CERS6: variants seen among roughly 807,000 people sequenced by gnomAD.
The protein encoded by CERS6 is LAG1 homolog, ceramide synthase 6.
CERS6 carries 26 observed loss-of-function variants against 56.8 expected under a neutral mutation model. The observed-to-expected ratio is 0.46, with a 90% CI of 0.34 to 0.63. CERS6 has a LOEUF of 0.63. Among genes scored for constraint, CERS6 ranks in the 30% least tolerant of loss-of-function variants. The probability of loss-of-function intolerance (pLI) is 0.01; values close to 1 mark genes in which losing one functional copy is unlikely to be tolerated. For synonymous variants in CERS6, 164 were observed against 173.3 expected (o/e 0.95, Z 0.42); for missense variants, 415 against 467.5 (o/e 0.89, Z 1.04).
chr2:168,735,720 T>TAA (rs201038302), intron 8 of CERS6, among the ~76,000 whole-genome samples: 3 of 146,394 alleles, frequency 2.0e-5, no homozygotes, highest in Non-Finnish European at 4.5e-5. Flanking sequence ...TACTAAAAAT[T>TAA]TAAAAAAAAA....
chr2:168,740,329 T>C (rs1574208767), intron 8 of CERS6, among the ~76,000 whole-genome samples: 1 of 152,356 alleles, frequency 6.6e-6, no homozygotes, highest in Middle Eastern at 3.4e-3. Flanking sequence ...TCTTCAGAGT[T>C]AGAAAATATT....
chr2:168,519,208 A>G (rs919434389), intron 1 of CERS6, among the ~76,000 whole-genome samples: 2 of 152,086 alleles, frequency 1.3e-5, no homozygotes, highest in African/African-American at 4.8e-5. Flanking sequence ...CCTTGGTAGC[A>G]TTTTTCAAAT....
intron 4 of CERS6, among the ~76,000 whole-genome samples, chr2:168,676,498 G>A (rs1161269861): frequency 6.6e-6 from 1 of 152,102 alleles, no homozygotes; most frequent in African/African-American, 2.4e-5. Flanking sequence ...GGTTCATAGT[G>A]GACTATACAT....
chr2:168,554,151 C>T (rs1167337221), intron 2 of CERS6, among the ~76,000 whole-genome samples: 1 of 151,488 alleles, frequency 6.6e-6, no homozygotes, highest in African/African-American at 2.4e-5. Context: ...ACAAAAATTA[C>T]TCCCAAAAGG....
intron 1 of CERS6, among the ~76,000 whole-genome samples, chr2:168,470,243 C>T (rs1185222250): frequency 2.1e-5 from 3 of 146,170 alleles, no homozygotes; most frequent in East Asian, 2.0e-4. Context: ...ATTAGCTGGG[C>T]GTGGTGGTAT....
intron 1 of CERS6, among the ~76,000 whole-genome samples, chr2:168,478,730 A>G (rs1694123791): frequency 6.6e-6 from 1 of 152,142 alleles, no homozygotes; most frequent in South Asian, 2.1e-4. Context: ...AGCTATCTCC[A>G]CTTGGCTTAA....
At chr2:168,549,015 A>G (rs1695517164) in intron 2 of CERS6, among the ~76,000 whole-genome samples, 1 of 152,172 alleles carries the variant, frequency 6.6e-6, no homozygotes, top group African/African-American at 2.4e-5. Context: ...AGTGTATCAA[A>G]TTACTTAAGT....
At chr2:168,667,571 GCTTTTTTTCTAT>G (rs1205464074) in intron 4 of CERS6, among the ~76,000 whole-genome samples, 2 of 152,008 alleles carry the variant, frequency 1.3e-5, no homozygotes, top group Non-Finnish European at 2.9e-5. Flanking sequence ...CTATTAGGCG[GCTTTTTTTCTAT>G]CTTTTTTTTT....
At chr2:168,652,138 T>C (rs1236024298) in intron 4 of CERS6, among the ~76,000 whole-genome samples, 4 of 151,578 alleles carry the variant, frequency 2.6e-5, no homozygotes. Flanking sequence ...CATTTGCTGA[T>C]GGGCTGTTAC....
chr2:168,465,195 TACA>T (rs985396838), intron 1 of CERS6, among the ~76,000 whole-genome samples: 65 of 152,342 alleles, frequency 4.3e-4, no homozygotes, highest in African/African-American at 1.6e-3. Context: ...TTTGGGCTGG[TACA>T]ACAAAATACT....
At chr2:168,711,088 C>G (rs1260467040) in intron 6 of CERS6, among the ~76,000 whole-genome samples, 1 of 152,140 alleles carries the variant, frequency 6.6e-6, no homozygotes, top group Non-Finnish European at 1.5e-5. Context: ...ATTTAGGAAA[C>G]TAATATACTG....
At chr2:168,566,981 AG>A (rs1167771533) in intron 3 of CERS6, among the ~76,000 whole-genome samples, 1 of 152,192 alleles carries the variant, frequency 6.6e-6, no homozygotes, top group East Asian at 1.9e-4. Flanking sequence ...CAGTTTTTGA[AG>A]GGGGGAATAA....
At chr2:168,748,457 T>G (rs981986788) in intron 8 of CERS6, among the ~76,000 whole-genome samples, 11 of 152,132 alleles carry the variant, frequency 7.2e-5, no homozygotes, top group African/African-American at 2.7e-4. Flanking sequence ...GAAAAATAAT[T>G]TTTACTAAAT....
intron 3 of CERS6, among the ~76,000 whole-genome samples, chr2:168,570,026 C>G (rs956653171): frequency 2.0e-5 from 3 of 152,154 alleles, no homozygotes; most frequent in African/African-American, 7.2e-5. Context: ...TAGTCTGTCA[C>G]AGCCATGCCC....
chr2:168,599,165 G>A (rs1683873816), intron 3 of CERS6, among the ~76,000 whole-genome samples: 1 of 152,124 alleles, frequency 6.6e-6, no homozygotes, highest in South Asian at 2.1e-4. Context: ...ATTGACTCAG[G>A]TTACCTTGCA....
intron 1 of CERS6, among the ~76,000 whole-genome samples, chr2:168,503,532 A>G (rs1574028253): frequency 6.6e-6 from 1 of 152,166 alleles, no homozygotes; most frequent in South Asian, 2.1e-4. Flanking sequence ...GAATTCCATT[A>G]TTAATGTTTT....
rs530695210 is a variant in CERS6, at chr2:168,507,042, G to A, written c.171-40554G>A. On this transcript the variant is annotated intron_variant, in intron 1 of 9. Transcript: ENST00000305747. ...TATTTGTCCCATGTGTGCACTGTGT[G>A]TGTGTGTGTATGCATGTGTGTGTGT... 1.4e-4 allele frequency among the ~76,000 whole-genome samples: 21 copies of A among 152,252 alleles called. No homozygotes were observed. In the South Asian group the frequency reaches 4.4e-3, roughly 32 times the overall value.
At chr2:168,491,592 A>G (rs1169082992) in intron 1 of CERS6, among the ~76,000 whole-genome samples, 1 of 152,160 alleles carries the variant, frequency 6.6e-6, no homozygotes, top group African/African-American at 2.4e-5. Flanking sequence ...AGGGTTAACT[A>G]TGGAACTATG....
At chr2:168,545,916 G>A (rs1369516751) in intron 1 of CERS6, among the ~76,000 whole-genome samples, 1 of 152,166 alleles carries the variant, frequency 6.6e-6, no homozygotes, top group Non-Finnish European at 1.5e-5. Context: ...AGGGAGGGCG[G>A]GGAGGAGTCC....
Sources: allele counts gnomAD v4.1 joint callset (sites outside exome capture counted in the v4.1 genomes callset), GRCh38; gene constraint gnomAD v4.1.1; transcripts MANE v1.5; gene names NCBI Gene and HGNC (gene_info 2026-07-23, HGNC 2026-07-21).